Variants in ERC1 observed in about 807,000 individuals in gnomAD.
The protein encoded by ERC1 is RAB6 interacting protein 2.
In ERC1, 56 loss-of-function variants were observed where a neutral mutation model predicts 132.0. The observed-to-expected ratio is 0.42, with a 90% CI of 0.34 to 0.53. The LOEUF (loss-of-function observed/expected upper bound fraction) is 0.53. ERC1 is among the 20% of genes least tolerant of loss of function. The probability of loss-of-function intolerance (pLI) is 0.03; values close to 1 mark genes in which losing one functional copy is unlikely to be tolerated. For synonymous variants in ERC1, 478 were observed against 476.1 expected (o/e 1.00, Z -0.05); for missense variants, 1,202 against 1,349.9 (o/e 0.89, Z 1.72).
intron 15 of ERC1, among the ~76,000 whole-genome samples, chr12:1,359,503 T>C (rs914797877): frequency 6.6e-6 from 1 of 152,168 alleles, no homozygotes; most frequent in Non-Finnish European, 1.5e-5. Context: ...GTCTTTTTGC[T>C]GTGTCATCCC....
chr12:1,297,714 A>C (rs1388280089), intron 15 of ERC1, among the ~76,000 whole-genome samples: 14 of 125,280 alleles, frequency 1.1e-4, no homozygotes, highest in African/African-American at 4.8e-4. Flanking sequence ...CCCCCTGCCA[A>C]AAAAAAAAAA....
chr12:1,433,035 G>T (rs534611130), intron 17 of ERC1, among the ~76,000 whole-genome samples: 1 of 152,176 alleles, frequency 6.6e-6, no homozygotes, highest in Non-Finnish European at 1.5e-5. Context: ...GCCTGCCCTG[G>T]TACTAAAGGA....
chr12:1,251,704 C>G (rs1371706038), intron 13 of ERC1, among the ~76,000 whole-genome samples: 3 of 152,108 alleles, frequency 2.0e-5, no homozygotes, highest in Non-Finnish European at 4.4e-5. Flanking sequence ...TTTTAAAATT[C>G]TGCAGTGTTT....
At chr12:1,418,593 T>TTCTTTCTTTCTTTC (rs2092248530) in intron 17 of ERC1, among the ~76,000 whole-genome samples, 1 of 19,852 alleles carries the variant, frequency 5.0e-5, no homozygotes, top group Non-Finnish European at 1.2e-4. Context: ...TTCTTTCTCT[T>TTCTTTCTTTCTTTC]TCTTTCTTTC....
intron 14 of ERC1, among the ~76,000 whole-genome samples, chr12:1,276,323 G>A (rs148819448): frequency 0.02 from 3,048 of 150,370 alleles, 52 homozygotes; most frequent in Non-Finnish European, 0.029. Flanking sequence ...TGCAACCTCC[G>A]CCTCCCAGGT....
intron 17 of ERC1, among the ~76,000 whole-genome samples, chr12:1,431,572 TTTTA>T (rs1186713826): frequency 2.0e-5 from 3 of 152,218 alleles, no homozygotes; most frequent in South Asian, 2.1e-4. Flanking sequence ...TGCATAACGA[TTTTA>T]TTTATCAGTT....
intron 4 of ERC1, among the ~76,000 whole-genome samples, chr12:1,105,231 C>T (rs999649119): frequency 2.6e-5 from 4 of 152,220 alleles, no homozygotes; most frequent in African/African-American, 9.7e-5. Flanking sequence ...ATTCAGTTTA[C>T]AACTCAAAGC....
intron 17 of ERC1, among the ~76,000 whole-genome samples, chr12:1,416,718 G>T (rs1469959506): frequency 6.6e-6 from 1 of 152,182 alleles, no homozygotes; most frequent in Non-Finnish European, 1.5e-5. Flanking sequence ...AGATTACTTG[G>T]TTTCAAACTC....
At chr12:1,346,918 C>T (rs2084522510) in intron 15 of ERC1, among the ~76,000 whole-genome samples, 2 of 136,296 alleles carry the variant, frequency 1.5e-5, no homozygotes, top group East Asian at 2.0e-4. Context: ...GTCCGCAGTC[C>T]GGCCTGGGCG....
In ERC1 at chr12:1,141,686, CA is replaced by C; in HGVS notation, c.1637del (p.Gln546ArgfsTer23). 1 of 1,613,154 alleles carries C rather than the reference CA, an allele frequency of 6.2e-7. No homozygotes were observed. The highest frequency in any genetic ancestry group is 8.5e-7 in the Non-Finnish European group (1 of 1,179,444). On this transcript the variant is annotated frameshift_variant, in exon 8 of 19. Transcript: ENST00000360905. LOFTEE classifies it high-confidence loss of function. ...TMLNKKTKQI[Q>X]DMAEEKGTQA... is the part of the protein sequence containing the mutation. ...GTTGAATAAAAAGACAAAACAAATT[CA>C]GGATATGGCTGAAGAGAAGGGGACA...
At chr12:1,338,336 C>T (rs932513068) in intron 15 of ERC1, among the ~76,000 whole-genome samples, 5 of 152,222 alleles carry the variant, frequency 3.3e-5, no homozygotes, top group African/African-American at 1.2e-4. Flanking sequence ...GCTGTTAATA[C>T]TTGTGACTGC....
rs1426499497 is a variant in ERC1, at chr12:1,181,931, A to G, written c.1882A>G (p.Thr628Ala). 6.2e-7 allele frequency: 1 copy of G among 1,613,174 alleles called. No homozygotes were observed. ...LEEALAEKER[T>A]IERLKEQRDR... Reference sequence around the variant, plus strand: ...TGATATATTCTCTCATCAGGAGCGGACAATTGAACGCTTAAAGGAGCAGAG... The same window carrying G: ...TGATATATTCTCTCATCAGGAGCGGGCAATTGAACGCTTAAAGGAGCAGAG... Residue 628 changes from threonine (T) to alanine (A), a missense_variant, in exon 10 of 19, where the codon ACA becomes GCA. Transcript: ENST00000360905.
intron 4 of ERC1, among the ~76,000 whole-genome samples, chr12:1,108,155 T>C (rs1047693564): frequency 1.3e-5 from 2 of 152,180 alleles, no homozygotes; most frequent in Non-Finnish European, 2.9e-5. Flanking sequence ...CTTCTTCTGG[T>C]CAGTCAGTAC....
chr12:1,364,074 G>A (rs78638803), intron 15 of ERC1, among the ~76,000 whole-genome samples: 1,611 of 152,306 alleles, frequency 0.011, 32 homozygotes, highest in African/African-American at 0.037. Flanking sequence ...TTTCTTTGTA[G>A]CATTTAAGCG....
intron 2 of ERC1, among the ~76,000 whole-genome samples, chr12:1,052,860 C>G (rs1453304420): frequency 1.3e-5 from 2 of 151,996 alleles, no homozygotes; most frequent in East Asian, 1.9e-4. Flanking sequence ...ATCCCAGCTA[C>G]TCAGGAGGCT....
chr12:1,113,870 G>C (rs987953647), intron 6 of ERC1, among the ~76,000 whole-genome samples: 1 of 152,040 alleles, frequency 6.6e-6, no homozygotes. Context: ...AATTATTCAG[G>C]GACACATAGC....
chr12:1,394,976 C>G (rs949870592), intron 16 of ERC1, among the ~76,000 whole-genome samples: 3 of 152,308 alleles, frequency 2.0e-5, no homozygotes, highest in African/African-American at 2.4e-5. Flanking sequence ...CCTGCATTTT[C>G]TTCTTTTCTT....
intron 15 of ERC1, among the ~76,000 whole-genome samples, chr12:1,333,404 C>G (rs2083047461): frequency 6.8e-6 from 1 of 147,918 alleles, no homozygotes; most frequent in Non-Finnish European, 1.5e-5. Context: ...GCGACGTCGG[C>G]TCACTGCAAT....
chr12:1,031,944 T>G (rs919100869), intron 2 of ERC1, among the ~76,000 whole-genome samples: 4 of 152,132 alleles, frequency 2.6e-5, no homozygotes, highest in Non-Finnish European at 5.9e-5. Context: ...GTACAATCTC[T>G]GGAGATGGGG....
Sources: gnomAD v4.1 joint callset for allele counts (sites outside exome capture counted in the v4.1 genomes callset) on GRCh38, gnomAD v4.1.1 for gene constraint, MANE v1.5 for transcripts, NCBI Gene and HGNC (gene_info 2026-07-23, HGNC 2026-07-21) for gene names.